Variants in TRIOBP observed in about 807,000 individuals in gnomAD.
TRIOBP encodes the protein TRIO and F-actin binding protein.
A neutral mutation model predicts 238.8 loss-of-function variants in TRIOBP; 169 were observed. The ratio of observed to expected loss-of-function variants is 0.71; its 90% CI spans 0.62 to 0.80. The LOEUF (loss-of-function observed/expected upper bound fraction) is 0.80. TRIOBP is among the 30% of genes least tolerant of loss of function. TRIOBP has a pLI of 0.00. For missense variants in TRIOBP, 2,838 were observed against 3,122.6 expected (o/e 0.91, Z 2.17); for synonymous variants, 1,150 against 1,274.4 (o/e 0.90, Z 2.08).
At position 37,710,408 on chromosome 22, in the gene TRIOBP, C is replaced by T. The variant is rs2145819060; in HGVS notation, c.115-19C>T. The T allele has an allele frequency of 6.2e-7, 1 of 1,612,986 alleles. No individual in the cohort carries two copies. Among genetic ancestry groups the T allele is most frequent in the Non-Finnish European group, 8.5e-7 (1 of 1,179,992 alleles). The stretch of plus-strand genomic sequence containing the variant: ...CCACGTGGGCGCTGAGCTGTCTCCT[C>T]TCTCCAACCCTGGCCCAGGAGCTCA... On this transcript the variant is annotated intron_variant, in intron 3 of 23. Transcript: ENST00000644935.
At position 37,701,387 on chromosome 22, in the gene TRIOBP, G is replaced by A. The variant is rs1569030323; in HGVS notation, c.22G>A (p.Ala8Thr). 6.2e-7 allele frequency: 1 copy of A among 1,613,550 alleles called. No homozygotes were observed. The highest frequency in any genetic ancestry group is 8.5e-7 in the Non-Finnish European group (1 of 1,179,836). The change falls in exon 3 of 24, where the codon GCC becomes ACC. Residue 8 changes from alanine to threonine, a missense_variant. Coordinates refer to ENST00000644935, the MANE Select transcript of TRIOBP (RefSeq NM_001039141.3). MEEVPGD[A>T]LCEHFEANIL... ...CAATATGGAGGAGGTGCCTGGGGAT[G>A]CCCTGTGTGAACACTTTGAGGCCAA...
intron 15 of TRIOBP, among the ~76,000 whole-genome samples, chr22:37,756,015 G>A (rs1319748045): frequency 1.3e-5 from 2 of 152,226 alleles, no homozygotes; most frequent in Admixed American, 6.5e-5. Context: ...ACACCTCCCG[G>A]GATGGGGAGC....
chr22:37,757,732 C>T lies in TRIOBP; in HGVS notation c.5807C>T (p.Ala1936Val), dbSNP rs1226151635. ...ATCAGCCGGGGTGGCCCTCGGAAGG[C>T]GGACGGGCAGCGTCAGGCCTTGGAC... ...EVISRGGPRK[A>V]DGQRQALDYV... Residue 1936 changes from alanine (A) to valine (V), a missense_variant, in exon 16 of 24, where the codon GCG (alanine) becomes GTG (valine). Physicochemically the swap from Ala to Val is moderately conservative, Grantham distance 64. Transcript: ENST00000644935. 14 of 1,572,994 alleles carry T rather than the reference C, an allele frequency of 8.9e-6. No individual in the cohort carries two copies. The Admixed American group carries it at 1.1e-4, about 12-fold the overall frequency.
At chr22:37,728,820 G>T (rs1569043946) in intron 7 of TRIOBP, among the ~76,000 whole-genome samples, 1 of 152,150 alleles carries the variant, frequency 6.6e-6, no homozygotes, top group Non-Finnish European at 1.5e-5. Context: ...TTCACTCTTG[G>T]TGATGTACAG....
rs1284719979 is a variant in TRIOBP, at chr22:37,754,926, A to G, written c.5429A>G (p.His1810Arg). The G allele has an allele frequency of 1.9e-6, 3 of 1,614,050 alleles. No homozygotes were observed. Among genetic ancestry groups the G allele is most frequent in the Admixed American group, 3.3e-5 (2 of 60,016 alleles). The change falls in exon 13 of 24, where the codon CAT becomes CGT. Residue 1810 changes from histidine (H) to arginine (R), a missense_variant. Physicochemically the swap from His to Arg is conservative, Grantham distance 29. Coordinates refer to ENST00000644935, the MANE Select transcript of TRIOBP (RefSeq NM_001039141.3). Reference protein sequence around the residue: ...TTTSTSQWKKHWFVLTDSSLK... With the variant: ...TTTSTSQWKKRWFVLTDSSLK... Reference sequence around the variant, plus strand: ...ACCTCTACTTCGCAGTGGAAGAAACATTGGTTTGTGCTGACAGATTCAAGT... The same window carrying G: ...ACCTCTACTTCGCAGTGGAAGAAACGTTGGTTTGTGCTGACAGATTCAAGT...
In TRIOBP at chr22:37,758,072, G is replaced by C. The variant is rs1272555594; in HGVS notation, c.6147G>C (p.Leu2049=). 1.2e-6 allele frequency: 2 copies of C among 1,611,810 alleles called. No individual in the cohort carries two copies. Among genetic ancestry groups the C allele is most frequent in the African/African-American group, 2.7e-5 (2 of 74,902 alleles). ...ATAAGCGGGTGCCCCTCACTGCCCT[G>C]CTCAACCAAAGCCGCGGAGAGCGCC... is the stretch of plus-strand genomic sequence containing the variant. ...RENKRVPLTA[L]LNQSRGERRG... The change falls in exon 16 of 24, where the codon CTG becomes CTC. Residue 2049 remains leucine (L), a synonymous_variant. Transcript: ENST00000644935.
rs770654549 is a variant in TRIOBP, at chr22:37,725,855, C to A, written c.3299C>A (p.Ser1100Tyr). ...DTSDAEHQCQSPQHEPLQLPA... is the reference protein window; with the variant it reads ...DTSDAEHQCQYPQHEPLQLPA... ...TCAGATGCCGAGCATCAGTGTCAGT[C>A]CCCCCAACACGAGCCCCTTCAGCTC... Residue 1100 changes from serine (S) to tyrosine (Y), a missense_variant, in exon 7 of 24, where the codon TCC (serine) becomes TAC (tyrosine). Ser to Tyr is a moderately radical substitution (Grantham distance 144). Coordinates refer to ENST00000644935, the MANE Select transcript of TRIOBP (RefSeq NM_001039141.3). 8 of 1,612,446 alleles carry A rather than the reference C, an allele frequency of 5.0e-6. No homozygotes were observed. The highest frequency in any genetic ancestry group is 4.5e-5 in the East Asian group (2 of 44,784).
In TRIOBP at chr22:37,761,465, AAAAC is replaced by A. The variant is rs146735605; in HGVS notation, c.6324+2209_6324+2212del. Among the ~76,000 whole-genome samples, 23 of 152,272 alleles carry A rather than the reference AAAAC, an allele frequency of 1.5e-4. 1 individual carries two copies. The highest frequency in any genetic ancestry group is 9.2e-4 in the Admixed American group (14 of 15,298). ...CTATCTAAAAACAGCAACAAAAAACAAAACAAACAAAAAAAGAGAAGCTCATTCC... is the reference window on the plus strand; with the variant it reads ...CTATCTAAAAACAGCAACAAAAAACAAAACAAAAAAAGAGAAGCTCATTCC... On this transcript the variant is annotated intron_variant, in intron 17 of 23. Coordinates refer to ENST00000644935, the MANE Select transcript of TRIOBP (RefSeq NM_001039141.3).
chr22:37,733,305 G>A lies in TRIOBP; in HGVS notation c.3955G>A (p.Glu1319Lys), dbSNP rs1189989190. The A allele has an allele frequency of 7.1e-6, 11 of 1,550,532 alleles. No homozygotes were observed. Among genetic ancestry groups the A allele is most frequent in the African/African-American group, 4.1e-5 (3 of 73,050 alleles). Residue 1319 changes from glutamate to lysine, a missense_variant, in exon 8 of 24, where the codon GAG becomes AAG. Glu to Lys is a moderately conservative substitution (Grantham distance 56). This residue lies in a region of TRIOBP where 2,096 missense variants were observed against 2,137.4 expected (regional missense o/e 0.98). Coordinates refer to ENST00000644935, the MANE Select transcript of TRIOBP (RefSeq NM_001039141.3). ...GGCTGCATTTGCTCATAGGAAGTCC[G>A]AGGCAGCGGGGGCCTTCCAGGCCCA... The part of the protein sequence containing the change: ...RLFGQERRKS[E>K]AAGAFQAQDE...
At position 37,774,855 on chromosome 22, in the gene TRIOBP, C is replaced by T. The variant is rs903480876; in HGVS notation, c.*1075C>T. 4 of 152,200 alleles carry T rather than the reference C, an allele frequency of 2.6e-5. No homozygotes were observed. The highest frequency in any genetic ancestry group is 9.7e-5 in the African/African-American group (4 of 41,442). 9.4% of individuals were successfully genotyped at this position (152,200 alleles called of 1,614,324 possible). A position where few individuals can be genotyped will look rare whatever the true frequency, so the allele number is the denominator to read the frequency against. On this transcript the variant is annotated 3_prime_UTR_variant, in exon 24 of 24. Transcript: ENST00000644935. ...CCAGGGCCCAGGCCTGAGAGAGAGG[C>T]CTGGGGCTAAGACTAGCCCTGACCA...
intron 8 of TRIOBP, 44 bp from the exon 9 acceptor site, chr22:37,734,355 T>C: frequency 6.4e-7 from 1 of 1,562,788 alleles, no homozygotes; most frequent in Non-Finnish European, 8.8e-7. Flanking sequence ...GGCAGCCAGG[T>C]CCCCAGAGAG....
intron 17 of TRIOBP, among the ~76,000 whole-genome samples, chr22:37,763,620 A>G (rs1219723835): frequency 3.9e-5 from 6 of 152,116 alleles, no homozygotes; most frequent in Non-Finnish European, 8.8e-5. Context: ...TTAATTATAT[A>G]AAAGAAATGT....
chr22:37,741,712 G>T (rs1241752105), intron 11 of TRIOBP, among the ~76,000 whole-genome samples: 1 of 152,234 alleles, frequency 6.6e-6, no homozygotes, highest in African/African-American at 2.4e-5. Flanking sequence ...TGAAGGGACT[G>T]AGGCCCAGGG....
rs765535664 is a variant in TRIOBP, at chr22:37,725,201, C to A, written c.2645C>A (p.Ser882Tyr). Residue 882 changes from serine to tyrosine, a missense_variant, in exon 7 of 24, where the codon TCT becomes TAT. Around this residue, in one of 5 missense-constraint regions of TRIOBP, gnomAD observed 2,096 missense variants for 2,137.4 expected, o/e 0.98. Transcript: ENST00000644935. ...CAAAAGGAGAATCTGAGACCATCATCTCCCCACCGCTCCACTCAATGGAAC... is the reference window on the plus strand; with the variant it reads ...CAAAAGGAGAATCTGAGACCATCATATCCCCACCGCTCCACTCAATGGAAC... The part of the protein sequence containing the change: ...CTQKENLRPS[S>Y]PHRSTQWNNP... 21 of 1,614,052 alleles carry A rather than the reference C, an allele frequency of 1.3e-5. No homozygotes were observed. The highest frequency in any genetic ancestry group is 1.8e-5 in the Non-Finnish European group (21 of 1,179,988).
Position 37,754,894 on chromosome 22 carries a change from C to T in TRIOBP, c.5397C>T (p.Leu1799=), listed in dbSNP as rs1260274840. The T allele has an allele frequency of 1.2e-6, 2 of 1,614,050 alleles. No individual in the cohort carries two copies. Among genetic ancestry groups the T allele is most frequent in the Non-Finnish European group, 1.7e-6 (2 of 1,180,042 alleles). ...DEPGEPPSPS[L]TTTSTSQWKK... is the part of the protein sequence containing the mutation. ...CCTTGCAGCCTCCCTCCCCCTCGCT[C>T]ACCACCACCTCTACTTCGCAGTGGA... Residue 1799 remains leucine, a synonymous_variant, in exon 13 of 24, where the codon CTC becomes CTT. Transcript: ENST00000644935.
At chr22:37,701,247 G>C in intron 2 of TRIOBP, 59 bp from the exon 3 acceptor site, 1 of 763,634 alleles carries the variant, frequency 1.3e-6, no homozygotes, top group Non-Finnish European at 2.3e-6. Flanking sequence ...ACTGGGGCTG[G>C]GGTTCAGGTG....
At chr22:37,709,423 G>A (rs920228330) in intron 3 of TRIOBP, among the ~76,000 whole-genome samples, 5 of 152,218 alleles carry the variant, frequency 3.3e-5, no homozygotes, top group African/African-American at 9.7e-5. Context: ...CCCTGCTCCC[G>A]AAGCCGGCCC....
In TRIOBP at chr22:37,758,166, G is replaced by A. The variant is rs762967182; in HGVS notation, c.6213+28G>A. On this transcript the variant is annotated intron_variant, in intron 16 of 23. Transcript: ENST00000644935. ...AGGCACCACGGCTGGCTCTCTAGGA[G>A]GCCCCTTGCCCCAGCGCCCCTCCAG... The A allele has an allele frequency of 1.3e-5, 21 of 1,609,662 alleles. 1 individual carries two copies. In the South Asian group the frequency reaches 2.2e-4, roughly 17 times the overall value.
At chr22:37,764,517 T>G (rs1196551209) in intron 17 of TRIOBP, among the ~76,000 whole-genome samples, 2 of 152,234 alleles carry the variant, frequency 1.3e-5, no homozygotes, top group African/African-American at 4.8e-5. Context: ...TTAGATTGTT[T>G]CCAGTTTTCA....
Sources: gnomAD v4.1 joint callset for allele counts (sites outside exome capture counted in the v4.1 genomes callset) on GRCh38, gnomAD v4.1.1 for gene constraint, gnomAD v4.1.1 regional missense constraint, MANE v1.5 for transcripts, NCBI Gene and HGNC (gene_info 2026-07-23, HGNC 2026-07-21) for gene names.